Variants in HEPACAM2 observed in about 807,000 individuals in gnomAD.
The protein encoded by HEPACAM2 is mitotic kinetics regulator.
In HEPACAM2, 49 loss-of-function variants were observed where a neutral mutation model predicts 49.6. The observed-to-expected ratio is 0.99, with a 90% CI of 0.78 to 1.25. The LOEUF (loss-of-function observed/expected upper bound fraction) is 1.25, where lower values mean the gene tolerates loss of function less well. Among genes scored for constraint, HEPACAM2 ranks in the 50% most tolerant of loss-of-function variants. The pLI is 0.00. For missense variants in HEPACAM2, 525 were observed against 557.2 expected (o/e 0.94, Z 0.58); for synonymous variants, 197 against 202.9 (o/e 0.97, Z 0.25).
At chr7:93,226,628 T>A (rs2116734872), upstream of HEPACAM2, 1 of 464,096 alleles carries the variant, frequency 2.2e-6, no homozygotes, top group East Asian at 3.2e-5. Context: ...TTAGCAAGAA[T>A]ACAGGCTTAT....
rs1158526622 is a variant in HEPACAM2 at position 93,197,573 on chromosome 7, T to C, written c.1050A>G (p.Ser350=). The change falls in exon 5 of 10, where the codon TCA becomes TCG. Residue 350 remains serine, a synonymous_variant. Transcript: ENST00000394468. ...EKLAQKGKSL[S]PLASITGISL... is the part of the protein sequence containing the mutation. ...ATATTCCAGTTATACTTGCTAAAGGTGACAATGATTTTCCTTTCTGTGCAA... is the reference window on the plus strand; with the variant it reads ...ATATTCCAGTTATACTTGCTAAAGGCGACAATGATTTTCCTTTCTGTGCAA... 6.3e-7 allele frequency: 1 copy of C among 1,598,086 alleles called. No homozygotes were observed. The highest frequency in any genetic ancestry group is 8.5e-7 in the Non-Finnish European group (1 of 1,170,744).
intron 4 of HEPACAM2, among the ~76,000 whole-genome samples, chr7:93,197,915 C>T (rs575406783): frequency 6.6e-6 from 1 of 152,050 alleles, no homozygotes; most frequent in East Asian, 1.9e-4. Flanking sequence ...CACCTTAGAT[C>T]TGTTTCATCT....
chr7:93,227,541 T>A (rs1044834339), upstream of HEPACAM2, among the ~76,000 whole-genome samples: 1 of 152,154 alleles, frequency 6.6e-6, no homozygotes, highest in African/African-American at 2.4e-5. Context: ...TTGGAAACAC[T>A]CTTTGCATTA....
At chr7:93,210,322 A>G (rs1794147264) in intron 3 of HEPACAM2, among the ~76,000 whole-genome samples, 2 of 152,010 alleles carry the variant, frequency 1.3e-5, no homozygotes, top group Admixed American at 1.3e-4. Flanking sequence ...TTATTATTCT[A>G]ATTTTAAGAT....
chr7:93,199,776 T>C (rs1447848092), intron 4 of HEPACAM2, among the ~76,000 whole-genome samples: 1 of 152,086 alleles, frequency 6.6e-6, no homozygotes, highest in Non-Finnish European at 1.5e-5. Flanking sequence ...AAGTTTAATT[T>C]CCACTATTTT....
At chr7:93,225,743 A>G in intron 1 of HEPACAM2, 1 of 392,798 alleles carries the variant, frequency 2.5e-6, no homozygotes, top group East Asian at 3.6e-5. Flanking sequence ...GAATGAGGGA[A>G]AATATTAAGG....
rs149474011 is a variant in HEPACAM2, at chr7:93,215,581, C to T, written c.535G>A (p.Ala179Thr). Residue 179 changes from alanine (A) to threonine (T), a missense_variant, in exon 3 of 10, where the codon GCT becomes ACT. Transcript: ENST00000394468. ...CTCCCATTTTTTAGCCATTGGTAAG[C>T]TAGCCGAGTGCCCCCTTCCACATGG... ...TCHVEGGTRL[A>T]YQWLKNGRPV... 5 of 1,613,668 alleles carry T rather than the reference C, an allele frequency of 3.1e-6. No individual in the cohort carries two copies. Among genetic ancestry groups the T allele is most frequent in the Non-Finnish European group, 4.2e-6 (5 of 1,179,848 alleles).
chr7:93,222,063 A>G (rs1794461447), intron 1 of HEPACAM2, among the ~76,000 whole-genome samples: 1 of 152,194 alleles, frequency 6.6e-6, no homozygotes, highest in African/African-American at 2.4e-5. Flanking sequence ...AGAGAAAGAA[A>G]GATGGGAGAG....
rs1024879865 is a variant in HEPACAM2 at position 93,197,271 on chromosome 7, T to C, written c.1171A>G (p.Thr391Ala). The C allele has an allele frequency of 2.5e-6, 4 of 1,611,206 alleles. No individual in the cohort carries two copies. The Admixed American group carries it at 6.7e-5, about 27-fold the overall frequency. The change falls in exon 7 of 10, where the codon ACA (threonine) becomes GCA (alanine). Residue 391 changes from threonine (T) to alanine (A), a missense_variant. By Grantham distance (58) the Thr-to-Ala change is moderately conservative (BLOSUM62 0). Transcript: ENST00000394468. Reference protein sequence around the residue: ...IKQKLEGRPETEYRKAQTFSG... With the variant: ...IKQKLEGRPEAEYRKAQTFSG... ...AATGTTTGAGCTTTCCTGTATTCTG[T>C]TTCTGGCCTGAAAAGACAAAATAGG...
intron 3 of HEPACAM2, among the ~76,000 whole-genome samples, chr7:93,214,214 A>G (rs532101468): frequency 6.6e-6 from 1 of 152,286 alleles, no homozygotes; most frequent in South Asian, 2.1e-4. Context: ...TAAATGAATG[A>G]GTGCATAAAT....
intron 2 of HEPACAM2, among the ~76,000 whole-genome samples, chr7:93,218,125 G>C (rs185794326): frequency 2.0e-5 from 3 of 152,288 alleles, no homozygotes; most frequent in Non-Finnish European, 4.4e-5. Flanking sequence ...AGCATGGCCA[G>C]AACCGAGTGA....
At chr7:93,197,177 A>G (rs1432535688) in intron 7 of HEPACAM2, 64 bp downstream of exon 7, 12 of 1,088,464 alleles carry the variant, frequency 1.1e-5, no homozygotes, top group East Asian at 2.8e-5. Flanking sequence ...ATATATAATA[A>G]TATTAACACA....
At chr7:93,202,767 G>A (rs776113764) in intron 4 of HEPACAM2, among the ~76,000 whole-genome samples, 12 of 151,964 alleles carry the variant, frequency 7.9e-5, no homozygotes, top group East Asian at 3.9e-4. Context: ...AGCAGTTCCC[G>A]TTCTAATAGT....
rs1318127750 is a variant in HEPACAM2, at chr7:93,215,497, C to T, written c.619G>A (p.Ala207Thr). 1 of 1,613,852 alleles carries T rather than the reference C, an allele frequency of 6.2e-7. No homozygotes were observed. The highest frequency in any genetic ancestry group is 8.5e-7 in the Non-Finnish European group (1 of 1,179,860). Residue 207 changes from alanine (A) to threonine (T), a missense_variant, in exon 3 of 10, where the codon GCT becomes ACT. Ala to Thr is a moderately conservative substitution (Grantham distance 58). Coordinates refer to ENST00000394468, the MANE Select transcript of HEPACAM2 (RefSeq NM_001039372.4). ...CCAATGTCTTCCTTGGTTACTGGAG[C>T]AATATGAAGGGTATTGTTTTGGGGA... ...FSPQNNTLHI[A>T]PVTKEDIGNY...
Position 93,207,642 on chromosome 7 carries a change from T to C in HEPACAM2, c.1012+938A>G, listed in dbSNP as rs73218060. Among the ~76,000 whole-genome samples, 538 of 151,948 alleles carry C rather than the reference T, an allele frequency of 3.5e-3. 6 individuals are homozygous for C. The highest frequency in any genetic ancestry group is 0.025 in the East Asian group (127 of 5,142). On this transcript the variant is annotated intron_variant, in intron 4 of 9. Transcript: ENST00000394468. ...ATAGGCAAGAGGAATGAGTCTGAGATGACATTTAGCTTTCTGTCTTAGGTT... is the reference window on the plus strand; with the variant it reads ...ATAGGCAAGAGGAATGAGTCTGAGACGACATTTAGCTTTCTGTCTTAGGTT...
Position 93,219,236 on chromosome 7 carries a change from T to C in HEPACAM2, c.295A>G (p.Thr99Ala). 1 of 1,613,984 alleles carries C rather than the reference T, an allele frequency of 6.2e-7. No homozygotes were observed. The highest frequency in any genetic ancestry group is 1.1e-5 in the South Asian group (1 of 91,080). The part of the protein sequence containing the change: ...VPDLEYQHKF[T>A]MMPPNASLLI... The stretch of plus-strand genomic sequence containing the variant: ...AGAGATGCATTGGGTGGCATCATGG[T>C]GAACTTGTGTTGGTATTCCAAGTCA... Residue 99 changes from threonine to alanine, a missense_variant, in exon 2 of 10, where the codon ACC (threonine) becomes GCC (alanine). Physicochemically the swap from Thr to Ala is moderately conservative, Grantham distance 58. Coordinates refer to ENST00000394468, the MANE Select transcript of HEPACAM2 (RefSeq NM_001039372.4).
At chr7:93,202,821 T>C (rs551586195) in intron 4 of HEPACAM2, among the ~76,000 whole-genome samples, 2 of 152,284 alleles carry the variant, frequency 1.3e-5, no homozygotes, top group Non-Finnish European at 2.9e-5. Flanking sequence ...CAGACACTTC[T>C]GTGATTCTCC....
chr7:93,222,932 TCC>T (rs1794477743), intron 1 of HEPACAM2, among the ~76,000 whole-genome samples: 1 of 152,202 alleles, frequency 6.6e-6, no homozygotes, highest in African/African-American at 2.4e-5. Context: ...TCCTTGGATA[TCC>T]TTTAATAAAA....
At chr7:93,214,137 T>C (rs1156761686) in intron 3 of HEPACAM2, among the ~76,000 whole-genome samples, 1 of 152,154 alleles carries the variant, frequency 6.6e-6, no homozygotes, top group Non-Finnish European at 1.5e-5. Context: ...ACATGTTATA[T>C]GGTAGGTAGT....
Sources: gnomAD v4.1 joint callset for allele counts (sites outside exome capture counted in the v4.1 genomes callset) on GRCh38, gnomAD v4.1.1 for gene constraint, MANE v1.5 for transcripts, NCBI Gene and HGNC (gene_info 2026-07-23, HGNC 2026-07-21) for gene names.